The following NALF1 variants were observed in gnomAD, a reference collection of about 807,000 sequenced individuals.
The protein encoded by NALF1 is family with sequence similarity 155 member A.
A neutral mutation model predicts 48.4 loss-of-function variants in NALF1; 3 were observed. The observed-to-expected ratio is 0.06, with a 90% confidence interval of 0.03 to 0.16. The LOEUF (loss-of-function observed/expected upper bound fraction) is 0.16, where lower values mean the gene tolerates loss of function less well. Ranked by LOEUF, NALF1 falls within the 10% of genes least tolerant of loss-of-function variation. The probability of loss-of-function intolerance (pLI) is 1.00; values close to 1 mark genes in which losing one functional copy is unlikely to be tolerated. For synonymous variants in NALF1, 262 were observed against 245.7 expected (o/e 1.07, Z -0.62); for missense variants, 526 against 571.5 (o/e 0.92, Z 0.81).
intron 1 of NALF1, among the ~76,000 whole-genome samples, chr13:107,523,563 C>A (rs1366463758): frequency 1.5e-5 from 2 of 135,642 alleles, no homozygotes; most frequent in African/African-American, 5.6e-5. Context: ...CCAACTCCAA[C>A]CTTTCTTGGG....
At chr13:107,492,910 C>T (rs1216170658) in intron 1 of NALF1, among the ~76,000 whole-genome samples, 1 of 152,074 alleles carries the variant, frequency 6.6e-6, no homozygotes, top group Admixed American at 6.6e-5. Flanking sequence ...AATGACTTCA[C>T]AGGGATATTA....
intron 1 of NALF1, among the ~76,000 whole-genome samples, chr13:107,505,689 T>C (rs1875675014): frequency 6.6e-6 from 1 of 152,180 alleles, no homozygotes; most frequent in Admixed American, 6.6e-5. Context: ...TGTGCAAAGC[T>C]TGAAGTGCCT....
chr13:107,495,080 C>T (rs554835785), intron 1 of NALF1, among the ~76,000 whole-genome samples: 40 of 152,302 alleles, frequency 2.6e-4, no homozygotes, highest in South Asian at 6.2e-4. Flanking sequence ...TCATATCATT[C>T]TCTTGATTGC....
intron 1 of NALF1, among the ~76,000 whole-genome samples, chr13:107,826,419 C>T (rs1468248151): frequency 6.6e-6 from 1 of 152,046 alleles, no homozygotes; most frequent in Non-Finnish European, 1.5e-5. Flanking sequence ...CCAAGCCCAC[C>T]CAATAGCATG....
chr13:107,511,467 G>A (rs1040963005), intron 1 of NALF1, among the ~76,000 whole-genome samples: 8 of 152,092 alleles, frequency 5.3e-5, no homozygotes, highest in Non-Finnish European at 8.8e-5. Context: ...AAATAATAAT[G>A]CACAATGTTA....
intron 1 of NALF1, among the ~76,000 whole-genome samples, chr13:107,764,454 C>G (rs530982066): frequency 1.3e-5 from 2 of 151,696 alleles, no homozygotes; most frequent in Non-Finnish European, 2.9e-5. Context: ...TTTGTGCGTA[C>G]GTATGTAGAC....
At chr13:107,818,663 G>C (rs1406073768) in intron 1 of NALF1, among the ~76,000 whole-genome samples, 4 of 149,846 alleles carry the variant, frequency 2.7e-5, no homozygotes, top group African/African-American at 9.8e-5. Flanking sequence ...ACGAGGTCAG[G>C]AGATCGAGAC....
At chr13:107,797,229 G>T (rs914172018) in intron 1 of NALF1, among the ~76,000 whole-genome samples, 3 of 151,688 alleles carry the variant, frequency 2.0e-5, no homozygotes, top group African/African-American at 7.3e-5. Flanking sequence ...CTTTTGAGAC[G>T]GAGTCTCGCT....
intron 1 of NALF1, among the ~76,000 whole-genome samples, chr13:107,323,518 C>CATAT (rs1160391102): frequency 1.3e-5 from 2 of 151,746 alleles, no homozygotes; most frequent in Admixed American, 6.6e-5. Context: ...ATTTTTTTCT[C>CATAT]ATATAGCGCT....
At chr13:107,229,027 T>C (rs922791687) in intron 1 of NALF1, among the ~76,000 whole-genome samples, 1 of 152,116 alleles carries the variant, frequency 6.6e-6, no homozygotes, top group Non-Finnish European at 1.5e-5. Context: ...CTCTGTGGTT[T>C]AAGCCAACCA....
At chr13:107,630,144 GC>G (rs1566421983) in intron 1 of NALF1, among the ~76,000 whole-genome samples, 1 of 151,212 alleles carries the variant, frequency 6.6e-6, no homozygotes, top group East Asian at 2.0e-4. Context: ...CAAGGTCATC[GC>G]CAAGGTCTGA....
Position 107,164,681 on chromosome 13 carries a change from A to G in NALF1, c.*5816T>C, listed in dbSNP as rs1387241320. 7.2e-5 allele frequency: 11 copies of G among 152,136 alleles called. No homozygotes were observed. Among genetic ancestry groups the G allele is most frequent in the Admixed American group, 5.9e-4 (9 of 15,254 alleles). 9.4% of individuals were successfully genotyped at this position (152,136 alleles called of 1,614,324 possible). On this transcript the variant is annotated 3_prime_UTR_variant, in exon 3 of 3. Coordinates refer to ENST00000375915, the MANE Select transcript of NALF1 (RefSeq NM_001080396.3). ...AAATCGAAAATAGCCAATGCTGTTT[A>G]TATTAAAAGTCATCAGAGCTCACTT...
intron 1 of NALF1, among the ~76,000 whole-genome samples, chr13:107,637,797 G>A (rs1299950196): frequency 1.3e-5 from 2 of 152,090 alleles, no homozygotes; most frequent in Non-Finnish European, 2.9e-5. Context: ...AGAAGAAACT[G>A]AGTAATGATC....
intron 1 of NALF1, among the ~76,000 whole-genome samples, chr13:107,853,540 A>T (rs970596579): frequency 3.9e-4 from 60 of 152,180 alleles, no homozygotes; most frequent in African/African-American, 1.4e-3. Flanking sequence ...AACAATTGGG[A>T]ACACCAAAGA....
chr13:107,525,913 T>C (rs1446177704), intron 1 of NALF1, among the ~76,000 whole-genome samples: 2 of 152,136 alleles, frequency 1.3e-5, no homozygotes, highest in Non-Finnish European at 2.9e-5. Flanking sequence ...CATTTTGTGC[T>C]TATTTACTAT....
chr13:107,573,122 C>G (rs1038488687), intron 1 of NALF1, among the ~76,000 whole-genome samples: 1 of 152,160 alleles, frequency 6.6e-6, no homozygotes, highest in Non-Finnish European at 1.5e-5. Context: ...AACGACCTCC[C>G]TGTTTATCCT....
chr13:107,703,367 T>G (rs1436781562), intron 1 of NALF1, among the ~76,000 whole-genome samples: 3 of 142,492 alleles, frequency 2.1e-5, no homozygotes, highest in Non-Finnish European at 4.8e-5. Flanking sequence ...TGCTTAGTTT[T>G]TTTTTTTTTT....
chr13:107,861,628 C>CA (rs1478781751), intron 1 of NALF1, among the ~76,000 whole-genome samples: 4 of 152,092 alleles, frequency 2.6e-5, no homozygotes, highest in African/African-American at 4.8e-5. Context: ...ATGAAAAATA[C>CA]AAAAAATTAG....
intron 1 of NALF1, among the ~76,000 whole-genome samples, chr13:107,414,725 T>C (rs1449230381): frequency 1.3e-5 from 2 of 151,972 alleles, no homozygotes; most frequent in African/African-American, 4.8e-5. Context: ...TTGTTATTTA[T>C]TTTTTATCAT....
Sources: gnomAD v4.1 joint callset for allele counts (sites outside exome capture counted in the v4.1 genomes callset) on GRCh38, gnomAD v4.1.1 for gene constraint, MANE v1.5 for transcripts, NCBI Gene and HGNC (gene_info 2026-07-23, HGNC 2026-07-21) for gene names.